SHTN1: variants seen among roughly 807,000 people sequenced by gnomAD.
SHTN1 encodes the protein shootin-1.
In SHTN1, 42 loss-of-function variants were observed where a neutral mutation model predicts 83.1. The ratio of observed to expected loss-of-function variants is 0.51; its 90% CI spans 0.39 to 0.65. The LOEUF is 0.65. Among genes scored for constraint, SHTN1 ranks in the 30% least tolerant of loss-of-function variants. The pLI is 0.00. For missense variants in SHTN1, 622 were observed against 737.8 expected (o/e 0.84, Z 1.82); for synonymous variants, 224 against 247.7 (o/e 0.90, Z 0.90).
chr10:117,036,753 G>A (rs1852503602), intron 2 of SHTN1, among the ~76,000 whole-genome samples: 1 of 152,100 alleles, frequency 6.6e-6, no homozygotes, highest in African/African-American at 2.4e-5. Context: ...TAATTTAATT[G>A]TACTTTTAAA....
intron 1 of SHTN1, among the ~76,000 whole-genome samples, chr10:117,106,386 C>T (rs1022666800): frequency 2.6e-5 from 4 of 151,560 alleles, no homozygotes; most frequent in East Asian, 2.0e-4. Context: ...ACCCGGGAGG[C>T]GGAGGTTGTA....
rs578171770 is a variant in SHTN1 at position 117,005,152 on chromosome 10, A to C, written c.-73T>G. ...GGCACACAGGAGGAGGGGGAAGAAA[A>C]AGCAAGATGCCGGTGGCTTGCGGCT... On this transcript the variant is annotated 5_prime_UTR_variant, in exon 1 of 17. Transcript: ENST00000355371. The C allele has an allele frequency of 1.0e-4, 160 of 1,550,870 alleles. 1 individual carries two copies. The African/African-American group carries it at 2.1e-3, about 20-fold the overall frequency.
chr10:116,948,078 A>T (rs1849651811), intron 7 of SHTN1, among the ~76,000 whole-genome samples: 1 of 152,206 alleles, frequency 6.6e-6, no homozygotes. Context: ...TGACTGAGGG[A>T]AAAAGAGAGA....
intron 1 of SHTN1, among the ~76,000 whole-genome samples, chr10:116,988,190 T>C (rs950795016): frequency 6.6e-6 from 1 of 152,046 alleles, no homozygotes; most frequent in African/African-American, 2.4e-5. Flanking sequence ...ATGTTAATAA[T>C]AGTAGAAATG....
intron 1 of SHTN1, among the ~76,000 whole-genome samples, chr10:117,069,613 A>G (rs929629644): frequency 6.6e-6 from 1 of 152,234 alleles, no homozygotes; most frequent in Admixed American, 6.5e-5. Flanking sequence ...CAAGTGTTAC[A>G]TTACTATTAT....
At chr10:117,047,908 A>AG (rs1048056714) in intron 2 of SHTN1, among the ~76,000 whole-genome samples, 2 of 151,548 alleles carry the variant, frequency 1.3e-5, no homozygotes, top group African/African-American at 4.8e-5. Flanking sequence ...TGAGCCAAAA[A>AG]AAAAAAAAAA....
chr10:117,079,427 A>C (rs1338017807), intron 1 of SHTN1, among the ~76,000 whole-genome samples: 1 of 121,198 alleles, frequency 8.3e-6, no homozygotes, highest in Non-Finnish European at 1.7e-5. Flanking sequence ...TTCTTAATCC[A>C]GTCTATCATT....
At chr10:116,913,057 C>T (rs1451063630) in intron 13 of SHTN1, among the ~76,000 whole-genome samples, 1 of 152,126 alleles carries the variant, frequency 6.6e-6, no homozygotes, top group African/African-American at 2.4e-5. Context: ...CTAGCACCAC[C>T]ACCACCACCA....
chr10:116,994,411 T>C (rs1851554313), intron 1 of SHTN1, among the ~76,000 whole-genome samples: 1 of 152,166 alleles, frequency 6.6e-6, no homozygotes. Flanking sequence ...TATACTGATA[T>C]AAAACTAAAA....
chr10:116,997,184 T>C (rs183030785), intron 1 of SHTN1, among the ~76,000 whole-genome samples: 214 of 152,348 alleles, frequency 1.4e-3, no homozygotes, highest in African/African-American at 5.0e-3. Context: ...GAGTAGACTT[T>C]ACCCCAGGAG....
intron 2 of SHTN1, among the ~76,000 whole-genome samples, chr10:117,040,603 T>C (rs1210844774): frequency 1.3e-5 from 2 of 152,180 alleles, no homozygotes; most frequent in East Asian, 3.8e-4. Flanking sequence ...GTGAACTATA[T>C]GGGAACTCTC....
rs1564947501 is a variant in SHTN1 at position 117,065,847 on chromosome 10, AGG to A, written c.-188-17339_-188-17338del. ...AAGGAAGGAAGGAAGGAAGGAAGGA[AGG>A]AAGGAAAGGAGGGAGGGAGGGAGGG... On this transcript the variant is annotated intron_variant, in intron 1 of 17. Transcript: ENST00000392901. Among the ~76,000 whole-genome samples, 86 of 73,028 alleles carry A rather than the reference AGG, an allele frequency of 1.2e-3. 2 individuals carry two copies. Among genetic ancestry groups the A allele is most frequent in the Middle Eastern group, 7.6e-3 (1 of 132 alleles). The allele number at this position is 73,028 out of a possible 152,430, so 47.9% of individuals were successfully genotyped here.
At chr10:117,046,445 C>G (rs1207621966) in intron 2 of SHTN1, among the ~76,000 whole-genome samples, 6 of 151,888 alleles carry the variant, frequency 4.0e-5, no homozygotes, top group Non-Finnish European at 8.8e-5. Context: ...ATAGTGTAAC[C>G]ATTTTGGAAA....
At chr10:117,102,958 G>A (rs1465145463) in intron 1 of SHTN1, among the ~76,000 whole-genome samples, 5 of 152,146 alleles carry the variant, frequency 3.3e-5, no homozygotes, top group Admixed American at 3.3e-4. Flanking sequence ...TCAGAACCAG[G>A]TGAAGCTTCA....
chr10:117,004,073 G>A (rs1208416097), intron 1 of SHTN1, among the ~76,000 whole-genome samples: 1 of 151,936 alleles, frequency 6.6e-6, no homozygotes, highest in South Asian at 2.1e-4. Context: ...TTTTAGTAGA[G>A]ATAGGGGTTC....
At position 116,936,959 on chromosome 10, in the gene SHTN1, G is replaced by T. The variant is rs187826579; in HGVS notation, c.858+3507C>A. ...TTTCATCTTTGTTGGTTTTAAGTCTGTTTTATCAGAGAGTAGGATTGCAAC... is the reference window on the plus strand; with the variant it reads ...TTTCATCTTTGTTGGTTTTAAGTCTTTTTTATCAGAGAGTAGGATTGCAAC... On this transcript the variant is annotated intron_variant, in intron 9 of 16. Coordinates refer to ENST00000355371, the MANE Select transcript of SHTN1 (RefSeq NM_001127211.3). 7.2e-3 allele frequency among the ~76,000 whole-genome samples: 1,099 copies of T among 151,966 alleles called. 10 individuals carry two copies. Among genetic ancestry groups the T allele is most frequent in the Non-Finnish European group, 0.011 (770 of 67,974 alleles).
intron 2 of SHTN1, among the ~76,000 whole-genome samples, chr10:117,027,296 G>A (rs1852346109): frequency 6.6e-6 from 1 of 152,076 alleles, no homozygotes; most frequent in Admixed American, 6.6e-5. Flanking sequence ...GTTCTCATGA[G>A]ATCTGGTCAT....
At chr10:117,039,855 A>T (rs2133579706) in intron 2 of SHTN1, among the ~76,000 whole-genome samples, 1 of 151,650 alleles carries the variant, frequency 6.6e-6, no homozygotes, top group South Asian at 2.1e-4. Context: ...TCCATCAAAA[A>T]AAAAAAAAAA....
chr10:117,003,620 A>G (rs566668366), intron 1 of SHTN1, among the ~76,000 whole-genome samples: 1 of 151,926 alleles, frequency 6.6e-6, no homozygotes, highest in Non-Finnish European at 1.5e-5. Context: ...AGGACCTCAG[A>G]AAGTCCTCCA....
Sources: gnomAD v4.1 joint callset for allele counts (sites outside exome capture counted in the v4.1 genomes callset) on GRCh38, gnomAD v4.1.1 for gene constraint, MANE v1.5 for transcripts, NCBI Gene and HGNC (gene_info 2026-07-23, HGNC 2026-07-21) for gene names.